SUGCT: variants seen among roughly 807,000 people sequenced by gnomAD.
The protein encoded by SUGCT is succinyl-CoA:glutarate-CoA transferase, also known as succinyl-CoA:glutarate CoA-transferase.
In SUGCT, 41 loss-of-function variants were observed where a neutral mutation model predicts 55.0. The ratio of observed to expected loss-of-function variants is 0.74; its 90% CI spans 0.58 to 0.97. SUGCT has a LOEUF of 0.97. Ranked by LOEUF, SUGCT falls within the 50% of genes least tolerant of loss-of-function variation. The probability of loss-of-function intolerance (pLI) is 0.00; values close to 1 mark genes in which losing one functional copy is unlikely to be tolerated. For synonymous variants in SUGCT, 187 were observed against 200.4 expected, an observed-to-expected ratio of 0.93 and a Z score of 0.56; for missense variants, 568 against 547.8, an observed-to-expected ratio of 1.04 and a Z score of -0.37.
the SUGCT span, among the ~76,000 whole-genome samples, chr7:41,008,841 G>T: frequency 2.0e-5 from 3 of 152,080 alleles, no homozygotes; most frequent in African/African-American, 7.2e-5. Context: ...CTTGTTGGCA[G>T]TGTGTCCCTC....
chr7:40,808,093 T>G (rs562572110), intron 13 of SUGCT: 7 of 152,324 alleles, frequency 4.6e-5, no homozygotes, highest in African/African-American at 1.4e-4. Flanking sequence ...TCCAATCAAG[T>G]TGACACTCAG....
chr7:40,854,103 C>G (rs891359297), intron 13 of SUGCT, among the ~76,000 whole-genome samples: 1 of 152,176 alleles, frequency 6.6e-6, no homozygotes, highest in Non-Finnish European at 1.5e-5. Flanking sequence ...TAAAATCTTG[C>G]CATATTTTGG....
intron 9 of SUGCT, among the ~76,000 whole-genome samples, chr7:40,447,262 C>T (rs566258390): frequency 3.9e-4 from 59 of 152,176 alleles, no homozygotes; most frequent in Middle Eastern, 6.8e-3. Context: ...TGATCACATG[C>T]GGCTAGTGGC....
intron 6 of SUGCT, among the ~76,000 whole-genome samples, chr7:40,220,686 A>G (rs183188387): frequency 6.6e-6 from 1 of 152,212 alleles, no homozygotes; most frequent in East Asian, 1.9e-4. Flanking sequence ...AAATACATAG[A>G]TATATCCCTT....
Position 40,744,998 on chromosome 7 carries a change from C to G in SUGCT, c.1090-4436C>G, listed in dbSNP as rs1787659489. On this transcript the variant is annotated intron_variant, in intron 12 of 13. Transcript: ENST00000335693. ...TATATGACTGTGTTATGAAAAAGATCTCTTATTCTGTACCCTCTCTTCTAA... is the reference window on the plus strand; with the variant it reads ...TATATGACTGTGTTATGAAAAAGATGTCTTATTCTGTACCCTCTCTTCTAA... Among the ~76,000 whole-genome samples, 4 of 152,296 alleles carry G rather than the reference C, an allele frequency of 2.6e-5. No individual in the cohort carries two copies. The South Asian group carries it at 8.3e-4, about 32-fold the overall frequency.
chr7:40,250,824 G>A (rs1292197149), intron 7 of SUGCT, among the ~76,000 whole-genome samples: 6 of 102,844 alleles, frequency 5.8e-5, no homozygotes, highest in Non-Finnish European at 1.1e-4. Context: ...GTCATTTCAC[G>A]CTTCTTTTTT....
At chr7:40,515,569 A>G (rs1793188795) in intron 12 of SUGCT, among the ~76,000 whole-genome samples, 1 of 152,178 alleles carries the variant, frequency 6.6e-6, no homozygotes, top group African/African-American at 2.4e-5. Flanking sequence ...ATTATTGAAA[A>G]TGTGTACTTT....
At chr7:40,447,361 T>C (rs1788897083) in intron 9 of SUGCT, among the ~76,000 whole-genome samples, 1 of 152,076 alleles carries the variant, frequency 6.6e-6, no homozygotes. Flanking sequence ...GCAGAAAGGG[T>C]ATGTGTAAAA....
At chr7:40,298,460 T>G (rs1343852893) in intron 8 of SUGCT, among the ~76,000 whole-genome samples, 1 of 152,206 alleles carries the variant, frequency 6.6e-6, no homozygotes, top group Non-Finnish European at 1.5e-5. Flanking sequence ...GTATTTGTTC[T>G]TAGGACCTTG....
chr7:40,737,159 T>C (rs972396072), intron 12 of SUGCT, among the ~76,000 whole-genome samples: 1 of 152,208 alleles, frequency 6.6e-6, no homozygotes, highest in Non-Finnish European at 1.5e-5. Flanking sequence ...CAATGTATAT[T>C]GGACACAGCA....
At chr7:40,570,585 G>A (rs929733956) in intron 12 of SUGCT, among the ~76,000 whole-genome samples, 1 of 152,180 alleles carries the variant, frequency 6.6e-6, no homozygotes, top group Non-Finnish European at 1.5e-5. Context: ...CCAGGCTGCT[G>A]CACATTTTCT....
chr7:40,921,899 A>G, the SUGCT span, among the ~76,000 whole-genome samples: 1 of 152,200 alleles, frequency 6.6e-6, no homozygotes, highest in African/African-American at 2.4e-5. Flanking sequence ...TATTTAGAAC[A>G]TTAAAATTAA....
At chr7:40,869,891 A>C in the SUGCT span, among the ~76,000 whole-genome samples, 1 of 152,172 alleles carries the variant, frequency 6.6e-6, no homozygotes, top group African/African-American at 2.4e-5. Context: ...GAAATTTCAG[A>C]GGTGATTTTG....
chr7:40,382,011 GTGTC>G lies in SUGCT; in HGVS notation c.816+65160_816+65163del, dbSNP rs1428824159. Among the ~76,000 whole-genome samples the G allele has an allele frequency of 5.4e-3, 807 of 150,556 alleles. 4 individuals carry two copies. The highest frequency in any genetic ancestry group is 0.034 in the Middle Eastern group (10 of 290). ...ATTCCTACCATCAAGGGACGTGTGT[GTGTC>G]TGTGTGTGTGTGTGTGTGTAACTCT... On this transcript the variant is annotated intron_variant, in intron 9 of 13. Coordinates refer to ENST00000335693, the MANE Select transcript of SUGCT (RefSeq NM_001193313.2).
chr7:40,433,279 C>T (rs1252954554), intron 9 of SUGCT, among the ~76,000 whole-genome samples: 2 of 149,864 alleles, frequency 1.3e-5, no homozygotes, highest in Non-Finnish European at 3.0e-5. Context: ...GCCTCTGCTT[C>T]TTTAGGTTTG....
intron 12 of SUGCT, among the ~76,000 whole-genome samples, chr7:40,592,047 T>A (rs1050471244): frequency 6.6e-6 from 1 of 152,164 alleles, no homozygotes; most frequent in African/African-American, 2.4e-5. Context: ...TGGCACAAAA[T>A]ATAGAAAAAC....
chr7:40,948,518 C>T, the SUGCT span, among the ~76,000 whole-genome samples: 36 of 152,140 alleles, frequency 2.4e-4, no homozygotes, highest in East Asian at 9.7e-4. Flanking sequence ...AGATTTGTTA[C>T]GTAGGTATAC....
intron 9 of SUGCT, among the ~76,000 whole-genome samples, chr7:40,345,651 G>A (rs1797270613): frequency 6.6e-6 from 1 of 151,908 alleles, no homozygotes; most frequent in South Asian, 2.1e-4. Context: ...TTGTAAGGTT[G>A]TGTTTTTTTA....
At chr7:40,369,196 G>C (rs964198621) in intron 9 of SUGCT, among the ~76,000 whole-genome samples, 1 of 151,980 alleles carries the variant, frequency 6.6e-6, no homozygotes, top group Non-Finnish European at 1.5e-5. Context: ...ATTAGCACTA[G>C]ATGGCAGAGA....
Sources: gnomAD v4.1 joint callset for allele counts (sites outside exome capture counted in the v4.1 genomes callset) on GRCh38, gnomAD v4.1.1 for gene constraint, MANE v1.5 for transcripts, NCBI Gene and HGNC (gene_info 2026-07-23, HGNC 2026-07-21) for gene names.